GNRH2: variants seen among roughly 807,000 people sequenced by gnomAD.
The protein encoded by GNRH2 is gonadotropin releasing hormone 2.
Under a neutral mutation model 12.1 loss-of-function variants are expected in GNRH2, and 15 were observed. The ratio of observed to expected loss-of-function variants is 1.24; its 90% CI spans 0.83 to 1.90. The LOEUF is 1.90. Among genes scored for constraint, GNRH2 ranks in the 40% most tolerant of loss-of-function variants. The probability of loss-of-function intolerance (pLI) is 0.00; values close to 1 mark genes in which losing one functional copy is unlikely to be tolerated. For missense variants in GNRH2, 143 were observed against 141.4 expected (o/e 1.01, Z -0.06); for synonymous variants, 60 against 62.0 (o/e 0.97, Z 0.15).
At chr20:3,045,241 G>A (rs894335546) in intron 3 of GNRH2, among the ~76,000 whole-genome samples, 2 of 152,182 alleles carry the variant, frequency 1.3e-5, no homozygotes, top group African/African-American at 4.8e-5. Flanking sequence ...ACAGGGCCAA[G>A]AGGACCAGGT....
At chr20:3,045,428 T>C (rs1319101278) in intron 3 of GNRH2, among the ~76,000 whole-genome samples, 1 of 152,204 alleles carries the variant, frequency 6.6e-6, no homozygotes, top group African/African-American at 2.4e-5. Flanking sequence ...GGCAATGTCT[T>C]ACCGCCTGAT....
At chr20:3,044,590 G>A in intron 2 of GNRH2, 22 bp downstream of exon 2, 1 of 1,612,160 alleles carries the variant, frequency 6.2e-7, no homozygotes. Flanking sequence ...CCAGCCTCAT[G>A]GGGAGGAAGA....
intron 3 of GNRH2, among the ~76,000 whole-genome samples, chr20:3,045,078 G>C (rs2065974893): frequency 6.6e-6 from 1 of 152,216 alleles, no homozygotes; most frequent in African/African-American, 2.4e-5. Context: ...AAAGACCAAA[G>C]TCACTAGTAG....
chr20:3,044,059 C>T (rs2065960041), intron 1 of GNRH2: 2 of 258,560 alleles, frequency 7.7e-6, no homozygotes, highest in African/African-American at 4.3e-5. Context: ...GGCCTGAATT[C>T]AGGTCTCTGT....
At position 3,044,787 on chromosome 20, in the gene GNRH2, C is replaced by A; in HGVS notation, c.242C>A (p.Thr81Lys). 7 of 1,612,616 alleles carry A rather than the reference C, an allele frequency of 4.3e-6. No individual in the cohort carries two copies. The South Asian group carries it at 4.4e-5, about 10-fold the overall frequency. The change falls in exon 3 of 4, where the codon ACG (threonine) becomes AAG (lysine). Residue 81 changes from threonine to lysine, a missense_variant. Transcript: ENST00000359100. ...AGCATGCCCTGGGAGGGCAGGACCA[C>A]GGCCCAGTGGTCCCTTCACAGGAAG... Reference protein sequence around the residue: ...DDSMPWEGRTTAQWSLHRKRH... With the variant: ...DDSMPWEGRTKAQWSLHRKRH...
chr20:3,044,581 C>T lies in GNRH2; in HGVS notation c.154+13C>T, dbSNP rs2065967507. 1.2e-6 allele frequency: 2 copies of T among 1,613,122 alleles called. No homozygotes were observed. Among genetic ancestry groups the T allele is most frequent in the Non-Finnish European group, 1.7e-6 (2 of 1,179,492 alleles). On this transcript the variant is annotated intron_variant, in intron 2 of 3. Transcript: ENST00000359100. Reference sequence around the variant, plus strand: ...CTTAGGCCCCCAGGTGGGTGTCTCCCAGCCTCATGGGGAGGAAGAAAGTGA... The same window carrying T: ...CTTAGGCCCCCAGGTGGGTGTCTCCTAGCCTCATGGGGAGGAAGAAAGTGA...
intron 1 of GNRH2, 198 bp from the exon 2 acceptor site, chr20:3,044,210 A>G (rs2065961325): frequency 1.8e-6 from 1 of 564,490 alleles, no homozygotes; most frequent in Non-Finnish European, 3.2e-6. Context: ...CCCCTGGAGC[A>G]TCATCCCCTG....
chr20:3,044,575 GTCT>G lies in GNRH2; in HGVS notation c.154+8_154+10del, dbSNP rs779294499. On this transcript the variant is annotated splice_region_variant and intron_variant, in intron 2 of 3. Coordinates refer to ENST00000359100, the MANE Select transcript of GNRH2 (RefSeq NM_178331.2). ...AATGCCCTTAGGCCCCCAGGTGGGT[GTCT>G]CCCAGCCTCATGGGGAGGAAGAAAG... 3.1e-6 allele frequency: 5 copies of G among 1,613,434 alleles called. No individual in the cohort carries two copies. Among genetic ancestry groups the G allele is most frequent in the Non-Finnish European group, 4.2e-6 (5 of 1,179,844 alleles).
Position 3,044,456 on chromosome 20 carries a change from G to A in GNRH2, c.42G>A (p.Leu14=), listed in dbSNP as rs762923926. The A allele has an allele frequency of 1.7e-5, 27 of 1,613,510 alleles. No homozygotes were observed. Among genetic ancestry groups the A allele is most frequent in the Admixed American group, 1.7e-5 (1 of 60,002 alleles). The change falls in exon 2 of 4, where the codon CTG becomes CTA. Residue 14 remains leucine, a synonymous_variant. Coordinates refer to ENST00000359100, the MANE Select transcript of GNRH2 (RefSeq NM_178331.2). ...SRRGLLLLLL[L]TAHLGPSEAQ... ...GAGGCCTCCTGCTCCTGCTGCTGCT[G>A]ACTGCCCACCTTGGACCCTCAGAGG... is the stretch of plus-strand genomic sequence containing the variant.
At chr20:3,044,902 A>C in intron 3 of GNRH2, 66 bp downstream of exon 3, 1 of 1,363,280 alleles carries the variant, frequency 7.3e-7, no homozygotes, top group Non-Finnish European at 1.0e-6. Flanking sequence ...ATTGTGGCTT[A>C]GGGTTGGGTG....
At chr20:3,045,246 C>G (rs2065976626) in intron 3 of GNRH2, among the ~76,000 whole-genome samples, 1 of 152,090 alleles carries the variant, frequency 6.6e-6, no homozygotes, top group African/African-American at 2.4e-5. Flanking sequence ...GCCAAGAGGA[C>G]CAGGTGGTGA....
At chr20:3,044,882 A>G (rs369929400) in intron 3 of GNRH2, 46 bp downstream of exon 3, 241 of 1,512,922 alleles carry the variant, frequency 1.6e-4, no homozygotes, top group Admixed American at 4.7e-4. Flanking sequence ...GCCACTGGTC[A>G]TCAGAGGCCA....
chr20:3,044,566 C>T lies in GNRH2; in HGVS notation c.152C>T (p.Pro51Leu), dbSNP rs1387142141. ...AQDPQNALRP[P>L]AGSPVQTAHG... ...GATCCCCAGAATGCCCTTAGGCCCC[C>T]AGGTGGGTGTCTCCCAGCCTCATGG... The change falls in exon 2 of 4, where the codon CCA becomes CTA. Residue 51 changes from proline to leucine, a missense_variant and splice_region_variant. Coordinates refer to ENST00000359100, the MANE Select transcript of GNRH2 (RefSeq NM_178331.2). 6.2e-7 allele frequency: 1 copy of T among 1,613,650 alleles called. No individual in the cohort carries two copies. Among genetic ancestry groups the T allele is most frequent in the Middle Eastern group, 1.6e-4 (1 of 6,062 alleles).
In GNRH2 at chr20:3,044,523, G is replaced by A; in HGVS notation, c.109G>A (p.Ala37Thr). Residue 37 changes from alanine (A) to threonine (T), a missense_variant, in exon 2 of 4, where the codon GCC (alanine) becomes ACC (threonine). By Grantham distance (58) the Ala-to-Thr change is moderately conservative (BLOSUM62 0). Coordinates refer to ENST00000359100, the MANE Select transcript of GNRH2 (RefSeq NM_178331.2). ...SHGWYPGGKRALSSAQDPQNA... is the reference protein window; with the variant it reads ...SHGWYPGGKRTLSSAQDPQNA... ...TGGCTGGTACCCTGGAGGAAAGCGA[G>A]CCCTCAGCTCAGCCCAGGATCCCCA... 3.1e-6 allele frequency: 5 copies of A among 1,613,824 alleles called. No individual in the cohort carries two copies. The highest frequency in any genetic ancestry group is 4.2e-6 in the Non-Finnish European group (5 of 1,180,010).
At chr20:3,044,655 G>A (rs778918028) in intron 2 of GNRH2, 45 bp from the exon 3 acceptor site, 1 of 1,605,722 alleles carries the variant, frequency 6.2e-7, no homozygotes, top group South Asian at 1.1e-5. Context: ...GGGGTAGGGA[G>A]GACAGCATCA....
chr20:3,044,631 T>A, intron 2 of GNRH2, 63 bp downstream of exon 2: 5 of 1,607,890 alleles, frequency 3.1e-6, no homozygotes, highest in Non-Finnish European at 3.4e-6. Flanking sequence ...CCCACCCTCC[T>A]GGAGCCTGAG....
rs147904038 is a variant in GNRH2, at chr20:3,044,560, G to C, written c.146G>C (p.Arg49Thr). The C allele has an allele frequency of 6.2e-7, 1 of 1,613,638 alleles. No homozygotes were observed. Among genetic ancestry groups the C allele is most frequent in the African/African-American group, 1.3e-5 (1 of 74,926 alleles). ...GCCCAGGATCCCCAGAATGCCCTTA[G>C]GCCCCCAGGTGGGTGTCTCCCAGCC... ...SSAQDPQNAL[R>T]PPAGSPVQTA... is the part of the protein sequence containing the mutation. The change falls in exon 2 of 4, where the codon AGG becomes ACG. Residue 49 changes from arginine (R) to threonine (T), a missense_variant. Physicochemically the swap from Arg to Thr is moderately conservative, Grantham distance 71 (BLOSUM62 -1). Transcript: ENST00000359100.
intron 1 of GNRH2, 98 bp from the exon 2 acceptor site, chr20:3,044,301 ATACCAAAGC>A (rs971219130): frequency 4.9e-6 from 4 of 824,184 alleles, no homozygotes; most frequent in Non-Finnish European, 8.2e-6. Context: ...GCATAAGGAG[ATACCAAAGC>A]TGCCCCTGAG....
At position 3,045,697 on chromosome 20, in the gene GNRH2, A is replaced by G; in HGVS notation, c.303A>G (p.Arg101=). The change falls in exon 4 of 4, where the codon CGA becomes CGG. Residue 101 remains arginine, a synonymous_variant. Transcript: ENST00000359100. ...CTCTCCCTCCGCAGACCGCAGCCCG[A>G]GAGCCCCGCCCCGCCCCGCCATCCT... is the stretch of plus-strand genomic sequence containing the variant. ...HLARTLLTAA[R]EPRPAPPSSN... 1 of 1,577,852 alleles carries G rather than the reference A, an allele frequency of 6.3e-7. No homozygotes were observed. Among genetic ancestry groups the G allele is most frequent in the Non-Finnish European group, 8.7e-7 (1 of 1,156,020 alleles).
Sources: allele counts gnomAD v4.1 joint callset (sites outside exome capture counted in the v4.1 genomes callset), GRCh38; gene constraint gnomAD v4.1.1; transcripts MANE v1.5; gene names NCBI Gene and HGNC (gene_info 2026-07-23, HGNC 2026-07-21).